The following MRC1 variants were observed in gnomAD, a reference collection of about 807,000 sequenced individuals.
MRC1 encodes the protein mannose receptor C-type 1.
Under a neutral mutation model 102.9 loss-of-function variants are expected in MRC1, and 62 were observed. That is an observed-to-expected ratio of 0.60 (90% CI 0.49 to 0.74). MRC1 has a LOEUF of 0.74. MRC1 is among the 30% of genes least tolerant of loss of function. The pLI, the probability that MRC1 is intolerant of heterozygous loss-of-function variation, is 0.00. For missense variants in MRC1, 1,237 were observed against 862.8 expected, an observed-to-expected ratio of 1.43 and a Z score of -5.43; for synonymous variants, 457 against 298.4, an observed-to-expected ratio of 1.53 and a Z score of -5.48.
intron 12 of MRC1, among the ~76,000 whole-genome samples, chr10:17,867,839 G>A (rs1554841626): frequency 0.9 from 136,489 of 152,266 alleles, 61,269 homozygotes; most frequent in African/African-American, 0.92. Flanking sequence ...GTATTCTACA[G>A]TAATGCCACA....
Position 17,898,069 on chromosome 10 carries a change from A to G in MRC1, c.3286A>G (p.Thr1096Ala). 1 of 780,872 alleles carries G rather than the reference A, an allele frequency of 1.3e-6. No individual in the cohort carries two copies. The highest frequency in any genetic ancestry group is 2.4e-6 in the Non-Finnish European group (1 of 417,942). 48.4% of individuals were successfully genotyped at this position (780,872 alleles called of 1,614,324 possible). A position where few individuals can be genotyped will look rare whatever the true frequency, so the allele number is the denominator to read the frequency against. The change falls in exon 24 of 30, where the codon ACA (threonine) becomes GCA (alanine). Residue 1096 changes from threonine (T) to alanine (A), a missense_variant. Physicochemically the swap from Thr to Ala is moderately conservative, Grantham distance 58 (BLOSUM62 0). Transcript: ENST00000569591. ...SLTNPPATIQ[T>A]DGFVKYGKSS... is the part of the protein sequence containing the mutation. ...GACTAATCCTCCAGCAACGATTCAAACAGATGGCTTTGTTAAATATGGCAA... is the reference window on the plus strand; with the variant it reads ...GACTAATCCTCCAGCAACGATTCAAGCAGATGGCTTTGTTAAATATGGCAA...
chr10:17,900,795 A>G lies in MRC1; in HGVS notation c.3491A>G (p.Asn1164Ser). The G allele has an allele frequency of 1.3e-6, 1 of 780,826 alleles. No homozygotes were observed. 48.4% of individuals were successfully genotyped at this position (780,826 alleles called of 1,614,324 possible). A position where few individuals can be genotyped will look rare whatever the true frequency, so the allele number is the denominator to read the frequency against. ...TTGTTTTTGTCGTTGCAGACTGATAATCAATACACTTGGACTGATAAGTGG... is the reference window on the plus strand; with the variant it reads ...TTGTTTTTGTCGTTGCAGACTGATAGTCAATACACTTGGACTGATAAGTGG... ...WIALNSNLTD[N>S]QYTWTDKWRV... Residue 1164 changes from asparagine to serine, a missense_variant, in exon 25 of 30, where the codon AAT becomes AGT. Asn to Ser is a conservative substitution (Grantham distance 46). Transcript: ENST00000569591.
intron 2 of MRC1, among the ~76,000 whole-genome samples, chr10:17,825,300 T>C (rs939504359): frequency 2.6e-5 from 4 of 152,096 alleles, no homozygotes; most frequent in Admixed American, 2.6e-4. Context: ...TAGACTTAGA[T>C]GGATTTGATG....
rs931965913 is a variant in MRC1, at chr10:17,835,442, A to G, written c.802+1603A>G. ...TGTCCACATGCAGCTTAAAAGTCCA[A>G]TGGGAAGAAACAGATGTAAACAAGA... On this transcript the variant is annotated intron_variant, in intron 4 of 29. Transcript: ENST00000569591. 1.6e-3 allele frequency among the ~76,000 whole-genome samples: 244 copies of G among 152,340 alleles called. 4 individuals are homozygous for G. In the East Asian group the frequency reaches 0.041, roughly 26 times the overall value.
At chr10:17,871,054 C>A in intron 14 of MRC1, 119 bp downstream of exon 14, 1 of 737,906 alleles carries the variant, frequency 1.4e-6, no homozygotes, top group Non-Finnish European at 2.4e-6. Flanking sequence ...CACTATCCTG[C>A]CATGCAAAAT....
intron 1 of MRC1, among the ~76,000 whole-genome samples, chr10:17,819,554 C>T (rs2130583966): frequency 6.6e-6 from 1 of 151,894 alleles, no homozygotes; most frequent in Non-Finnish European, 1.5e-5. Context: ...AAGGAATTGG[C>T]TCACACAATT....
In MRC1 at chr10:17,870,365, A is replaced by G. The variant is rs1564620904; in HGVS notation, c.2103A>G (p.Arg701=). The G allele has an allele frequency of 1.3e-6, 1 of 780,430 alleles. No individual in the cohort carries two copies. Among genetic ancestry groups the G allele is most frequent in the Non-Finnish European group, 2.4e-6 (1 of 417,654 alleles). 48.3% of individuals were successfully genotyped at this position (780,430 alleles called of 1,614,324 possible). The change falls in exon 13 of 30, where the codon CGA becomes CGG. Residue 701 remains arginine, a synonymous_variant. Coordinates refer to ENST00000569591, the MANE Select transcript of MRC1 (RefSeq NM_002438.4). ...NNKEEQQTIW[R]LITASGSYHK... ...AAGAGGAACAGCAAACAATATGGCGATTAATAACGTAAGTGGTATTTTTAT... is the reference window on the plus strand; with the variant it reads ...AAGAGGAACAGCAAACAATATGGCGGTTAATAACGTAAGTGGTATTTTTAT...
chr10:17,815,815 T>G (rs1239497339), intron 1 of MRC1, among the ~76,000 whole-genome samples: 1 of 145,106 alleles, frequency 6.9e-6, no homozygotes, highest in Non-Finnish European at 1.5e-5. Flanking sequence ...TGTTCAACAT[T>G]TCATTTCTTT....
At chr10:17,817,869 T>G (rs1473625870) in intron 1 of MRC1, among the ~76,000 whole-genome samples, 2 of 152,212 alleles carry the variant, frequency 1.3e-5, no homozygotes, top group African/African-American at 4.8e-5. Context: ...TGAATACGCC[T>G]TCAGAGGAAG....
At chr10:17,842,994 A>C (rs1304065695) in intron 5 of MRC1, among the ~76,000 whole-genome samples, 1 of 152,244 alleles carries the variant, frequency 6.6e-6, no homozygotes, top group Non-Finnish European at 1.5e-5. Flanking sequence ...TGTTCAGTCA[A>C]GCATTCAATT....
At chr10:17,855,571 C>CAAAAAA (rs35692453) in intron 8 of MRC1, among the ~76,000 whole-genome samples, 3,939 of 42,112 alleles carry the variant, frequency 0.094, 630 homozygotes, top group Non-Finnish European at 0.13. Flanking sequence ...GACTCCGTCT[C>CAAAAAA]AAAAAAAAAA....
chr10:17,882,941 C>T (rs1176065604), intron 21 of MRC1, among the ~76,000 whole-genome samples: 3 of 152,120 alleles, frequency 2.0e-5, no homozygotes, highest in Non-Finnish European at 4.4e-5. Context: ...AAACAATTTG[C>T]AGATAAAATA....
chr10:17,849,806 G>A (rs1382636007), intron 7 of MRC1, 42 bp downstream of exon 7: 1 of 755,140 alleles, frequency 1.3e-6, no homozygotes, highest in Admixed American at 1.8e-5. Context: ...CTTTAATCCT[G>A]GGAGCACCCC....
chr10:17,883,462 G>A (rs933449894), intron 21 of MRC1, among the ~76,000 whole-genome samples: 5 of 151,712 alleles, frequency 3.3e-5, no homozygotes, highest in Non-Finnish European at 7.4e-5. Context: ...CTGAAAAACG[G>A]TGGAAGAGTT....
chr10:17,864,242 A>T (rs1408650057), intron 11 of MRC1, among the ~76,000 whole-genome samples: 1 of 152,072 alleles, frequency 6.6e-6, no homozygotes, highest in East Asian at 1.9e-4. Context: ...GCCTCAAGTG[A>T]TCTGCCTGCC....
At chr10:17,828,169 C>T (rs1374489681) in intron 3 of MRC1, among the ~76,000 whole-genome samples, 1 of 152,166 alleles carries the variant, frequency 6.6e-6, no homozygotes, top group African/African-American at 2.4e-5. Context: ...CTCCGCCTCC[C>T]GAGTTCACGC....
chr10:17,819,590 G>C (rs1352536692), intron 1 of MRC1, among the ~76,000 whole-genome samples: 1 of 152,032 alleles, frequency 6.6e-6, no homozygotes, highest in Admixed American at 6.6e-5. Flanking sequence ...TCCAAAACCT[G>C]CAGGGGTAGA....
Position 17,886,321 on chromosome 10 carries a change from T to C in MRC1, c.3147+886T>C, listed in dbSNP as rs969164998. Among the ~76,000 whole-genome samples the C allele has an allele frequency of 2.8e-3, 401 of 141,022 alleles. 1 individual carries two copies. Among genetic ancestry groups the C allele is most frequent in the African/African-American group, 0.011 (367 of 34,530 alleles). 92.5% of individuals were successfully genotyped at this position (141,022 alleles called of 152,430 possible). ...CTTCCTTCCTTCCTTCCTTCCCTCC[T>C]TCCTTCCTTCCTTCCTTCTTCTTTC... On this transcript the variant is annotated intron_variant, in intron 22 of 29. Transcript: ENST00000569591.
At chr10:17,897,890 G>A (rs1438776412) in intron 23 of MRC1, 144 bp from the exon 24 acceptor site, 3 of 726,378 alleles carry the variant, frequency 4.1e-6, no homozygotes, top group South Asian at 3.1e-5. Flanking sequence ...GTGTGAAATG[G>A]CTTATAAAAT....
Sources: allele counts gnomAD v4.1 joint callset (sites outside exome capture counted in the v4.1 genomes callset), GRCh38; gene constraint gnomAD v4.1.1; transcripts MANE v1.5; gene names NCBI Gene and HGNC (gene_info 2026-07-23, HGNC 2026-07-21).